The following AKR7A3 variants were observed in gnomAD, a reference collection of about 807,000 sequenced individuals.
AKR7A3 encodes aldo-keto reductase family 7 member A3, also known as AFB1 aldehyde reductase 2.
A neutral mutation model predicts 32.5 loss-of-function variants in AKR7A3; 37 were observed. The ratio of observed to expected loss-of-function variants is 1.14; its 90% CI spans 0.88 to 1.50. The LOEUF is 1.50. Among genes scored for constraint, AKR7A3 ranks in the 40% most tolerant of loss-of-function variants. The probability of loss-of-function intolerance (pLI) is 0.00; values close to 1 mark genes in which losing one functional copy is unlikely to be tolerated. For synonymous variants in AKR7A3, 177 were observed against 188.4 expected (o/e 0.94, Z 0.50); for missense variants, 412 against 453.2 (o/e 0.91, Z 0.83).
chr1:19,281,672 T>C (rs1226180201), downstream of AKR7A3, among the ~76,000 whole-genome samples: 1 of 151,934 alleles, frequency 6.6e-6, no homozygotes, highest in African/African-American at 2.4e-5. Context: ...AAAAAGCCAG[T>C]TGGGATTTGG....
downstream of AKR7A3, among the ~76,000 whole-genome samples, chr1:19,280,511 C>T (rs2151980370): frequency 6.6e-6 from 1 of 151,986 alleles, no homozygotes; most frequent in South Asian, 2.1e-4. Flanking sequence ...AGGGGTCCAA[C>T]TTCATTCTCT....
downstream of AKR7A3, among the ~76,000 whole-genome samples, chr1:19,277,888 T>C (rs574009752): frequency 1.3e-5 from 2 of 151,974 alleles, no homozygotes; most frequent in South Asian, 2.1e-4. Context: ...TTTACAGATA[T>C]GTGATTTGCA....
Position 19,285,034 on chromosome 1 carries a change from G to C in AKR7A3, c.588C>G (p.Ala196=). ...CLRHFGLRFY[A]FNPLAGGLLT... ...TCCACGTACCAGCCAGAGGGTTGAA[G>C]GCATAGAACCTCAGTCCAAAGTGCC... is the stretch of plus-strand genomic sequence containing the variant. The change falls in exon 4 of 7, where the codon GCC becomes GCG. Residue 196 remains alanine (A), a synonymous_variant. Coordinates refer to ENST00000361640, the MANE Select transcript of AKR7A3 (RefSeq NM_012067.3). The C allele has an allele frequency of 6.2e-7, 1 of 1,612,838 alleles. No homozygotes were observed. The highest frequency in any genetic ancestry group is 8.5e-7 in the Non-Finnish European group (1 of 1,179,868).
At chr1:19,288,087 G>C (rs1480796381) in intron 1 of AKR7A3, among the ~76,000 whole-genome samples, 2 of 152,226 alleles carry the variant, frequency 1.3e-5, no homozygotes, top group African/African-American at 4.8e-5. Flanking sequence ...GGGAGTGCCA[G>C]GCGGTAAGAA....
rs1335288203 is a variant in AKR7A3 at position 19,288,751 on chromosome 1, G to T, written c.-42C>A. On this transcript the variant is annotated 5_prime_UTR_variant, in exon 1 of 7. Coordinates refer to ENST00000361640, the MANE Select transcript of AKR7A3 (RefSeq NM_012067.3). The stretch of plus-strand genomic sequence containing the variant: ...GACTGTGACAGCCCAGGAGCCGCGC[G>T]CAGCGGTCGGAAGCACCAGGCTCGG... 2 of 1,419,344 alleles carry T rather than the reference G, an allele frequency of 1.4e-6. No individual in the cohort carries two copies. The highest frequency in any genetic ancestry group is 2.8e-5 in the Admixed American group (1 of 35,278). 87.9% of individuals were successfully genotyped at this position (1,419,344 alleles called of 1,614,324 possible). A position where few individuals can be genotyped will look rare whatever the true frequency, so the allele number is the denominator to read the frequency against.
chr1:19,274,485 C>G, the AKR7A3 span, among the ~76,000 whole-genome samples: 1 of 151,746 alleles, frequency 6.6e-6, no homozygotes, highest in South Asian at 2.1e-4. Context: ...CAGGAGGGAG[C>G]TTAACGGGTG....
At chr1:19,287,167 G>T (rs2093732061) in intron 1 of AKR7A3, among the ~76,000 whole-genome samples, 1 of 151,450 alleles carries the variant, frequency 6.6e-6, no homozygotes, top group Admixed American at 6.6e-5. Flanking sequence ...AAATTAGCCG[G>T]GTGTGGTGCT....
chr1:19,282,694 T>C lies in AKR7A3; in HGVS notation c.*37A>G, dbSNP rs767634113. 1.2e-6 allele frequency: 2 copies of C among 1,613,760 alleles called. No individual in the cohort carries two copies. Among genetic ancestry groups the C allele is most frequent in the South Asian group, 1.1e-5 (1 of 91,070 alleles). On this transcript the variant is annotated 3_prime_UTR_variant, in exon 7 of 7. Transcript: ENST00000361640. ...AGAAAATGTGAGTAACAAAAGATGT[T>C]ACAGAAGAGCCTTGGGCAGCCTGAG...
At chr1:19,287,347 C>G (rs568963807) in intron 1 of AKR7A3, among the ~76,000 whole-genome samples, 2 of 151,572 alleles carry the variant, frequency 1.3e-5, no homozygotes, top group South Asian at 4.2e-4. Flanking sequence ...AGAGCTCTCA[C>G]TGAGTGGCAG....
chr1:19,275,557 G>GCA, the AKR7A3 span, among the ~76,000 whole-genome samples: 1 of 151,910 alleles, frequency 6.6e-6, no homozygotes, highest in Non-Finnish European at 1.5e-5. Context: ...TGTAATCTCA[G>GCA]CACTTTGGGA....
At chr1:19,279,639 A>G (rs529634529), downstream of AKR7A3, among the ~76,000 whole-genome samples, 1 of 151,968 alleles carries the variant, frequency 6.6e-6, no homozygotes, top group African/African-American at 2.4e-5. Flanking sequence ...GTGGAAACAC[A>G]TTGTGGTTTT....
At position 19,285,138 on chromosome 1, in the gene AKR7A3, G is replaced by T. The variant is rs1413865825; in HGVS notation, c.508-24C>A. 4 of 1,610,654 alleles carry T rather than the reference G, an allele frequency of 2.5e-6. No individual in the cohort carries two copies. In the East Asian group the frequency reaches 8.9e-5, roughly 36 times the overall value. On this transcript the variant is annotated intron_variant, in intron 3 of 6. Coordinates refer to ENST00000361640, the MANE Select transcript of AKR7A3 (RefSeq NM_012067.3). Reference sequence around the variant, plus strand: ...CCCTGTAAGGAGAGGGGCCCCGGGGGAGAGGGTGGATGTGTCAAAAGAAGA... The same window carrying T: ...CCCTGTAAGGAGAGGGGCCCCGGGGTAGAGGGTGGATGTGTCAAAAGAAGA...
chr1:19,286,525 C>G (rs2093730814), intron 1 of AKR7A3, among the ~76,000 whole-genome samples, 153 bp from the exon 2 acceptor site: 1 of 151,700 alleles, frequency 6.6e-6, no homozygotes, highest in South Asian at 2.1e-4. Flanking sequence ...AATAAAAACA[C>G]AAAAATTAGC....
At chr1:19,278,968 T>A (rs2093714991), downstream of AKR7A3, among the ~76,000 whole-genome samples, 1 of 151,952 alleles carries the variant, frequency 6.6e-6, no homozygotes, top group Non-Finnish European at 1.5e-5. Flanking sequence ...TACTTATTTA[T>A]GTATTTAGAA....
the AKR7A3 span, among the ~76,000 whole-genome samples, chr1:19,275,179 G>T: frequency 6.6e-6 from 1 of 151,214 alleles, no homozygotes; most frequent in Non-Finnish European, 1.5e-5. Context: ...GGGAGGCCGA[G>T]GGGGGTGGAT....
chr1:19,288,432 G>A, intron 1 of AKR7A3, 64 bp downstream of exon 1: 1 of 1,563,526 alleles, frequency 6.4e-7, no homozygotes, highest in Non-Finnish European at 8.7e-7. Flanking sequence ...GAGCGGGGCG[G>A]TACACGGCTG....
chr1:19,283,909 C>A (rs190498360), intron 6 of AKR7A3, 87 bp downstream of exon 6: 1 of 1,582,476 alleles, frequency 6.3e-7, no homozygotes, highest in Non-Finnish European at 8.6e-7. Context: ...TCAGAGGAAT[C>A]GATAAACAAA....
intron 6 of AKR7A3, 64 bp from the exon 7 acceptor site, chr1:19,282,956 C>T (rs2093721648): frequency 6.3e-7 from 1 of 1,586,844 alleles, no homozygotes; most frequent in East Asian, 2.2e-5. Flanking sequence ...TCACAGCCGT[C>T]CCAGCCACCT....
rs757570063 is a variant in AKR7A3, at chr1:19,282,724, G to A, written c.*7C>T. 5 of 1,613,706 alleles carry A rather than the reference G, an allele frequency of 3.1e-6. No individual in the cohort carries two copies. Among genetic ancestry groups the A allele is most frequent in the African/African-American group, 1.3e-5 (1 of 74,600 alleles). On this transcript the variant is annotated 3_prime_UTR_variant, in exon 7 of 7. Coordinates refer to ENST00000361640, the MANE Select transcript of AKR7A3 (RefSeq NM_012067.3). Reference sequence around the variant, plus strand: ...AAGAGCCTTGGGCAGCCTGAGAAACGATGGGCCTAGCGGAAGTAGTTGGGA... The same window carrying A: ...AAGAGCCTTGGGCAGCCTGAGAAACAATGGGCCTAGCGGAAGTAGTTGGGA...
Sources: gnomAD v4.1 joint callset for allele counts (sites outside exome capture counted in the v4.1 genomes callset) on GRCh38, gnomAD v4.1.1 for gene constraint, MANE v1.5 for transcripts, NCBI Gene and HGNC (gene_info 2026-07-23, HGNC 2026-07-21) for gene names.